Variants in CENPU observed in about 807,000 individuals in gnomAD.
CENPU encodes KSHV latent nuclear antigen interacting protein 1.
CENPU carries 46 observed loss-of-function variants against 56.7 expected under a neutral mutation model. The ratio of observed to expected loss-of-function variants is 0.81; its 90% CI spans 0.64 to 1.04. The LOEUF is 1.04. Ranked by LOEUF, CENPU falls within the 50% of genes least tolerant of loss-of-function variation. The probability of loss-of-function intolerance (pLI) is 0.00; values close to 1 mark genes in which losing one functional copy is unlikely to be tolerated. For missense variants in CENPU, 510 were observed against 490.1 expected (o/e 1.04, Z -0.38); for synonymous variants, 166 against 163.0 (o/e 1.02, Z -0.14).
intron 6 of CENPU, among the ~76,000 whole-genome samples, chr4:184,714,114 G>C (rs1368438449): frequency 6.6e-6 from 1 of 152,054 alleles, no homozygotes; most frequent in African/African-American, 2.4e-5. Flanking sequence ...ACAACAGAAT[G>C]GTATAAAGAG....
rs780677809 is a variant in CENPU, at chr4:184,724,912, AT to A, written c.320+44del. 25 of 1,251,826 alleles carry A rather than the reference AT, an allele frequency of 2.0e-5. 1 individual carries two copies. In the South Asian group the frequency reaches 3.2e-4, roughly 16 times the overall value. 77.5% of individuals were successfully genotyped at this position (1,251,826 alleles called of 1,614,324 possible). A position where few individuals can be genotyped will look rare whatever the true frequency, so the allele number is the denominator to read the frequency against. ...TTCTATCTTAAAGAGTTTCTCAGAAATCCCATTAACCATGAATAAACAATTG... is the reference window on the plus strand; with the variant it reads ...TTCTATCTTAAAGAGTTTCTCAGAAACCCATTAACCATGAATAAACAATTG... On this transcript the variant is annotated intron_variant, in intron 4 of 12. Coordinates refer to ENST00000281453, the MANE Select transcript of CENPU (RefSeq NM_024629.4).
chr4:184,727,411 T>TA (rs1761495364), intron 3 of CENPU, among the ~76,000 whole-genome samples: 1 of 152,154 alleles, frequency 6.6e-6, no homozygotes, highest in African/African-American at 2.4e-5. Flanking sequence ...TTAATACACT[T>TA]AAAAAAGGTT....
chr4:184,703,626 C>A (rs987340828), intron 8 of CENPU, among the ~76,000 whole-genome samples: 2 of 152,158 alleles, frequency 1.3e-5, no homozygotes, highest in Non-Finnish European at 2.9e-5. Flanking sequence ...TAATTAAACA[C>A]AGAATTACCA....
intron 8 of CENPU, among the ~76,000 whole-genome samples, chr4:184,703,947 C>T (rs1760632044): frequency 1.3e-5 from 2 of 150,830 alleles, no homozygotes; most frequent in African/African-American, 2.5e-5. Context: ...GCATTATGCA[C>T]ATACTTGTGG....
Position 184,708,049 on chromosome 4 carries a change from C to T in CENPU, c.797+2023G>A, listed in dbSNP as rs112458795. 7.8e-3 allele frequency among the ~76,000 whole-genome samples: 1,189 copies of T among 151,604 alleles called. 17 individuals are homozygous for T. Among genetic ancestry groups the T allele is most frequent in the African/African-American group, 0.027 (1,103 of 41,364 alleles). The stretch of plus-strand genomic sequence containing the variant: ...AGCAGACTGGCCGACATAGTGAAAC[C>T]CCATCTCTACTAAAAATACAAAAAA... On this transcript the variant is annotated intron_variant, in intron 8 of 12. Transcript: ENST00000281453.
chr4:184,722,468 T>C (rs1241697006), intron 4 of CENPU, among the ~76,000 whole-genome samples: 2 of 151,972 alleles, frequency 1.3e-5, no homozygotes, highest in African/African-American at 4.8e-5. Context: ...TTAAAAATAA[T>C]GAGAAAAGCT....
At chr4:184,701,539 A>C (rs758810845) in intron 10 of CENPU, among the ~76,000 whole-genome samples, 1 of 152,128 alleles carries the variant, frequency 6.6e-6, no homozygotes, top group African/African-American at 2.4e-5. Flanking sequence ...AGGTAAGCAA[A>C]GGAGACTCTC....
intron 8 of CENPU, among the ~76,000 whole-genome samples, chr4:184,706,387 C>T (rs1400033912): frequency 6.6e-6 from 1 of 152,168 alleles, no homozygotes; most frequent in Non-Finnish European, 1.5e-5. Flanking sequence ...GGTCAGGCCT[C>T]TCTGCATATG....
In CENPU at chr4:184,725,486, T is replaced by G. The variant is rs954991341; in HGVS notation, c.215-424A>C. 2.0e-5 allele frequency among the ~76,000 whole-genome samples: 3 copies of G among 152,334 alleles called. No individual in the cohort carries two copies. In the South Asian group the frequency reaches 6.2e-4, roughly 32 times the overall value. ...ATGCCCAGCTAATTTTTTAATTATCTGTAGAGACAGGGTCTCACTATGTTG... is the reference window on the plus strand; with the variant it reads ...ATGCCCAGCTAATTTTTTAATTATCGGTAGAGACAGGGTCTCACTATGTTG... On this transcript the variant is annotated intron_variant, in intron 3 of 12. Transcript: ENST00000281453.
At chr4:184,733,207 C>T (rs1008897572) in intron 1 of CENPU, 1 of 449,028 alleles carries the variant, frequency 2.2e-6, no homozygotes, top group South Asian at 9.5e-5. Flanking sequence ...TCATTCTCCT[C>T]CACTGGCCAC....
At position 184,717,134 on chromosome 4, in the gene CENPU, A is replaced by G. The variant is rs1561139130; in HGVS notation, c.381+2T>C. ...AGTAGAAGAGTGAATACTCCTACAT[A>G]CCTTTTTTGCACTAATTTTTACAGA... is the stretch of plus-strand genomic sequence containing the variant. On this transcript the variant is annotated splice_donor_variant, in intron 5 of 12. Coordinates refer to ENST00000281453, the MANE Select transcript of CENPU (RefSeq NM_024629.4). LOFTEE classifies it high-confidence loss of function. 4.4e-6 allele frequency: 7 copies of G among 1,604,380 alleles called. No homozygotes were observed. Among genetic ancestry groups the G allele is most frequent in the African/African-American group, 1.3e-5 (1 of 74,874 alleles).
At chr4:184,700,954 A>G (rs1760515107) in intron 10 of CENPU, 73 bp from the exon 11 acceptor site, 2 of 1,252,808 alleles carry the variant, frequency 1.6e-6, no homozygotes, top group African/African-American at 2.9e-5. Context: ...CTGCCAGGTA[A>G]TGAAGTGCAG....
Position 184,716,636 on chromosome 4 carries a change from G to C in CENPU, c.382-3C>G. On this transcript the variant is annotated splice_polypyrimidine_tract_variant and splice_region_variant and intron_variant, in intron 5 of 12. Transcript: ENST00000281453. ...ATGGGCCTGAGCTTTCTTCCTGGCTGTGTGAAAGAAAAAACAGCAGTACTT... is the reference window on the plus strand; with the variant it reads ...ATGGGCCTGAGCTTTCTTCCTGGCTCTGTGAAAGAAAAAACAGCAGTACTT... 6.2e-7 allele frequency: 1 copy of C among 1,606,696 alleles called. No homozygotes were observed. Among genetic ancestry groups the C allele is most frequent in the Non-Finnish European group, 8.5e-7 (1 of 1,175,782 alleles).
At chr4:184,717,226 G>T (rs971759439) in intron 4 of CENPU, 30 bp from the exon 5 acceptor site, 4 of 1,528,368 alleles carry the variant, frequency 2.6e-6, no homozygotes, top group African/African-American at 2.7e-5. Flanking sequence ...TCAATATCTT[G>T]TACACATTCC....
intron 1 of CENPU, among the ~76,000 whole-genome samples, chr4:184,732,547 C>A (rs912034576): frequency 1.3e-5 from 2 of 152,124 alleles, no homozygotes; most frequent in Non-Finnish European, 2.9e-5. Flanking sequence ...AGCCAGGTAA[C>A]AGAAACCCAG....
intron 11 of CENPU, 73 bp from the exon 12 acceptor site, chr4:184,697,876 T>A: frequency 8.3e-7 from 1 of 1,200,376 alleles, no homozygotes; most frequent in Non-Finnish European, 1.2e-6. Flanking sequence ...GTAAGTACGC[T>A]GAGCGAGTGT....
intron 3 of CENPU, among the ~76,000 whole-genome samples, chr4:184,726,915 C>G (rs1295597937): frequency 1.5e-5 from 2 of 137,924 alleles, no homozygotes; most frequent in Non-Finnish European, 3.0e-5. Flanking sequence ...ATGGCAAAGC[C>G]CCATCGCTAC....
Position 184,694,613 on chromosome 4 carries a change from G to C in CENPU, c.*675C>G. On this transcript the variant is annotated 3_prime_UTR_variant, in exon 13 of 13. Coordinates refer to ENST00000281453, the MANE Select transcript of CENPU (RefSeq NM_024629.4). ...CCATCACCTAGCAGGCTGTCAACAG[G>C]TGCATCTGCTGATGCTGTCTGGGAT... The C allele has an allele frequency of 6.2e-7, 1 of 1,614,124 alleles. No homozygotes were observed. The highest frequency in any genetic ancestry group is 1.1e-5 in the South Asian group (1 of 91,076).
At chr4:184,702,544 C>T (rs553626713) in intron 8 of CENPU, 103 bp from the exon 9 acceptor site, 2 of 683,436 alleles carry the variant, frequency 2.9e-6, no homozygotes, top group South Asian at 2.0e-5. Context: ...TTGGCATATA[C>T]CTTTTTTTAT....
Sources: allele counts gnomAD v4.1 joint callset (sites outside exome capture counted in the v4.1 genomes callset), GRCh38; gene constraint gnomAD v4.1.1; transcripts MANE v1.5; gene names NCBI Gene and HGNC (gene_info 2026-07-23, HGNC 2026-07-21).